Variants in CCDC73 observed in about 807,000 individuals in gnomAD.
The protein encoded by CCDC73 is coiled-coil domain-containing protein 73.
A neutral mutation model predicts 116.5 loss-of-function variants in CCDC73; 95 were observed. That is an observed-to-expected ratio of 0.82 (90% CI 0.69 to 0.97). The LOEUF (loss-of-function observed/expected upper bound fraction) is 0.97, where lower values mean the gene tolerates loss of function less well. CCDC73 is among the 50% of genes least tolerant of loss of function. The pLI is 0.00. For synonymous variants in CCDC73, 398 were observed against 401.3 expected (o/e 0.99, Z 0.10); for missense variants, 1,066 against 1,206.8 (o/e 0.88, Z 1.73).
chr11:32,690,088 A>G (rs908109498), intron 6 of CCDC73, among the ~76,000 whole-genome samples: 1 of 152,190 alleles, frequency 6.6e-6, no homozygotes, highest in Non-Finnish European at 1.5e-5. Context: ...AGAAGATTCA[A>G]AATATATCTT....
At position 32,613,350 on chromosome 11, in the gene CCDC73, A is replaced by G. The variant is rs924259135; in HGVS notation, c.2896+72T>C. ...ACTTTTAAAACAAAATTTACAAAAT[A>G]TGACTGTACACATTTATCAAGAATA... is the stretch of plus-strand genomic sequence containing the variant. On this transcript the variant is annotated intron_variant, in intron 16 of 17. Transcript: ENST00000335185. The G allele has an allele frequency of 9.6e-6, 12 of 1,247,464 alleles. No homozygotes were observed. The Admixed American group carries it at 1.9e-4, about 19-fold the overall frequency. The allele number at this position is 1,247,464 out of a possible 1,614,324, so 77.3% of individuals were successfully genotyped here.
intron 9 of CCDC73, among the ~76,000 whole-genome samples, chr11:32,661,619 G>C (rs952278884): frequency 6.6e-6 from 1 of 151,890 alleles, no homozygotes; most frequent in African/African-American, 2.4e-5. Context: ...TCCCTACAAA[G>C]GACATGAACT....
chr11:32,786,387 ATATAAT>A (rs1458383776), intron 1 of CCDC73, among the ~76,000 whole-genome samples: 3 of 115,340 alleles, frequency 2.6e-5, no homozygotes, highest in Non-Finnish European at 4.2e-5. Flanking sequence ...TATATTATTT[ATATAAT>A]TATAATATAT....
intron 14 of CCDC73, among the ~76,000 whole-genome samples, chr11:32,618,814 T>C (rs1249571644): frequency 1.3e-5 from 2 of 152,104 alleles, no homozygotes; most frequent in Admixed American, 6.5e-5. Flanking sequence ...GGCCTCCCAA[T>C]GTGCTGGGAT....
chr11:32,738,491 T>C (rs967055062), intron 2 of CCDC73, among the ~76,000 whole-genome samples: 3 of 152,158 alleles, frequency 2.0e-5, no homozygotes, highest in African/African-American at 7.2e-5. Context: ...TGTGTGCGAT[T>C]TGTATGCCTT....
rs143698061 is a variant in CCDC73, at chr11:32,716,977, C to A, written c.207+1099G>T. 2.6e-5 allele frequency among the ~76,000 whole-genome samples: 4 copies of A among 152,286 alleles called. No individual in the cohort carries two copies. The East Asian group carries it at 5.8e-4, about 22-fold the overall frequency. On this transcript the variant is annotated intron_variant, in intron 3 of 17. Transcript: ENST00000335185. ...TAAAATCTGCTTGAAATTAGTTGTA[C>A]TTAGTATTTACCTATTCTTTCCCTC...
chr11:32,678,021 G>A (rs1200461326), intron 7 of CCDC73, among the ~76,000 whole-genome samples: 5 of 148,456 alleles, frequency 3.4e-5, no homozygotes, highest in African/African-American at 1.2e-4. Context: ...GCTCAGGCCT[G>A]TAATCCCAGC....
chr11:32,823,970 T>C, the CCDC73 span, among the ~76,000 whole-genome samples: 1 of 152,080 alleles, frequency 6.6e-6, no homozygotes, highest in Non-Finnish European at 1.5e-5. Context: ...TCTTGGCTCA[T>C]TGCAACCTCC....
chr11:32,708,556 G>C (rs1310610764), intron 3 of CCDC73, among the ~76,000 whole-genome samples: 1 of 152,096 alleles, frequency 6.6e-6, no homozygotes, highest in Non-Finnish European at 1.5e-5. Context: ...GTTTCCATTT[G>C]TTTATGTCAT....
chr11:32,634,921 T>C (rs898614263), intron 14 of CCDC73, among the ~76,000 whole-genome samples: 5 of 152,176 alleles, frequency 3.3e-5, no homozygotes, highest in Admixed American at 6.5e-5. Flanking sequence ...CAGGAGTTCA[T>C]GTACAGCCTG....
chr11:32,660,178 T>G (rs1007397232), intron 9 of CCDC73, among the ~76,000 whole-genome samples: 1 of 135,120 alleles, frequency 7.4e-6, no homozygotes, highest in Admixed American at 8.4e-5. Context: ...ATCTTTTTTA[T>G]AAGCTGCTTG....
intron 1 of CCDC73, among the ~76,000 whole-genome samples, chr11:32,763,104 C>G (rs1236156014): frequency 6.6e-6 from 1 of 152,190 alleles, no homozygotes; most frequent in East Asian, 1.9e-4. Context: ...GCCAGGAAAC[C>G]CAAACTGGGT....
At chr11:32,670,087 T>C (rs1337895289) in intron 9 of CCDC73, among the ~76,000 whole-genome samples, 2 of 152,220 alleles carry the variant, frequency 1.3e-5, no homozygotes, top group African/African-American at 4.8e-5. Context: ...AACAGCTTGC[T>C]TTAAAGGTGC....
chr11:32,655,098 GTTCC>G, intron 9 of CCDC73, 126 bp from the exon 10 acceptor site: 1 of 350,010 alleles, frequency 2.9e-6, no homozygotes, highest in Non-Finnish European at 4.5e-6. Flanking sequence ...TCCCTTGCAA[GTTCC>G]CTTGCAAGAT....
At chr11:32,640,215 T>C (rs887046084) in intron 13 of CCDC73, among the ~76,000 whole-genome samples, 4 of 152,202 alleles carry the variant, frequency 2.6e-5, no homozygotes, top group African/African-American at 9.6e-5. Context: ...CAAATCATAA[T>C]GGAAGCAAAA....
intron 2 of CCDC73, among the ~76,000 whole-genome samples, chr11:32,749,177 G>C (rs1340562742): frequency 6.6e-6 from 1 of 151,920 alleles, no homozygotes; most frequent in African/African-American, 2.4e-5. Flanking sequence ...AAAACACTTA[G>C]ATTTGCCCTT....
intron 9 of CCDC73, among the ~76,000 whole-genome samples, chr11:32,658,215 T>C (rs1365826404): frequency 6.6e-6 from 1 of 152,142 alleles, no homozygotes; most frequent in African/African-American, 2.4e-5. Context: ...TGTTTTCCCT[T>C]ACCTCTGTCT....
rs142152194 is a variant in CCDC73 at position 32,654,717 on chromosome 11, TTAA to T, written c.774+124_774+126del. 3.1e-3 allele frequency: 2,197 copies of T among 700,616 alleles called. 39 individuals are homozygous for T. The African/African-American group carries it at 0.036, about 12-fold the overall frequency. 43.4% of individuals were successfully genotyped at this position (700,616 alleles called of 1,614,324 possible). A position where few individuals can be genotyped will look rare whatever the true frequency, so the allele number is the denominator to read the frequency against. On this transcript the variant is annotated intron_variant, in intron 10 of 17. Transcript: ENST00000335185. Reference sequence around the variant, plus strand: ...TGGCAAAAATTAATAAAAAAACAGATTAATAATACCTTTAACTATGCATATTGA... The same window carrying T: ...TGGCAAAAATTAATAAAAAAACAGATTAATACCTTTAACTATGCATATTGA...
At chr11:32,736,608 C>A (rs1850131704) in intron 2 of CCDC73, among the ~76,000 whole-genome samples, 1 of 151,980 alleles carries the variant, frequency 6.6e-6, no homozygotes, top group Non-Finnish European at 1.5e-5. Flanking sequence ...TGTGGCGATT[C>A]CTCAAGGATC....
Sources: allele counts gnomAD v4.1 joint callset (sites outside exome capture counted in the v4.1 genomes callset), GRCh38; gene constraint gnomAD v4.1.1; transcripts MANE v1.5; gene names NCBI Gene and HGNC (gene_info 2026-07-23, HGNC 2026-07-21).